The following SNX25 variants were observed in gnomAD, a reference collection of about 807,000 sequenced individuals.
SNX25 encodes sorting nexin-25.
SNX25 carries 62 observed loss-of-function variants against 113.7 expected under a neutral mutation model. That is an observed-to-expected ratio of 0.55 (90% CI 0.44 to 0.67). SNX25 has a LOEUF of 0.67. Ranked by LOEUF, SNX25 falls within the 30% of genes least tolerant of loss-of-function variation. The pLI, the probability that SNX25 is intolerant of heterozygous loss-of-function variation, is 0.00. For missense variants in SNX25, 1,014 were observed against 1,161.0 expected (o/e 0.87, Z 1.84); for synonymous variants, 421 against 436.2 (o/e 0.97, Z 0.43).
intron 1 of SNX25, among the ~76,000 whole-genome samples, chr4:185,219,096 G>GT (rs993876248): frequency 6.6e-6 from 1 of 152,108 alleles, no homozygotes; most frequent in Non-Finnish European, 1.5e-5. Context: ...GCCACTGCCA[G>GT]TCTGTGAGAA....
intron 12 of SNX25, among the ~76,000 whole-genome samples, chr4:185,344,860 C>T (rs532630161): frequency 4.9e-4 from 74 of 152,314 alleles, no homozygotes; most frequent in Non-Finnish European, 8.5e-4. Flanking sequence ...GAATGTCATG[C>T]ATGCTACATT....
At chr4:185,241,259 C>G (rs908897925) in intron 1 of SNX25, among the ~76,000 whole-genome samples, 4 of 152,256 alleles carry the variant, frequency 2.6e-5, no homozygotes, top group East Asian at 1.9e-4. Flanking sequence ...GCGGATCACT[C>G]GCGGTTAGGA....
At chr4:185,376,178 C>T in the SNX25 span, among the ~76,000 whole-genome samples, 1 of 152,144 alleles carries the variant, frequency 6.6e-6, no homozygotes, top group Non-Finnish European at 1.5e-5. Context: ...AGAAAGAGGG[C>T]GATTTCCTCC....
At chr4:185,336,313 C>G (rs1372166072) in intron 10 of SNX25, among the ~76,000 whole-genome samples, 2 of 152,038 alleles carry the variant, frequency 1.3e-5, no homozygotes, top group East Asian at 1.9e-4. Context: ...GTCTTTTATC[C>G]CTCATCCCCC....
chr4:185,289,898 C>T (rs566962369), intron 6 of SNX25, among the ~76,000 whole-genome samples: 48 of 152,222 alleles, frequency 3.2e-4, no homozygotes, highest in African/African-American at 1.1e-3. Context: ...GTTTAAACAA[C>T]AGGAATTAAT....
intron 6 of SNX25, among the ~76,000 whole-genome samples, chr4:185,295,673 C>T (rs1752743805): frequency 2.0e-5 from 3 of 152,110 alleles, no homozygotes; most frequent in African/African-American, 7.2e-5. Flanking sequence ...TGGTCTCAAA[C>T]TCCTGGGCTC....
intron 1 of SNX25, among the ~76,000 whole-genome samples, chr4:185,221,609 T>C (rs1739870632): frequency 6.6e-6 from 1 of 152,164 alleles, no homozygotes; most frequent in South Asian, 2.1e-4. Flanking sequence ...TTGATTCTTT[T>C]GAAAATGCAA....
intron 1 of SNX25, among the ~76,000 whole-genome samples, chr4:185,222,033 T>G (rs796952239): frequency 0.011 from 261 of 22,824 alleles, 2 homozygotes; most frequent in East Asian, 0.036. Flanking sequence ...CCTCGTTCAC[T>G]GTAGGTATAC....
At chr4:185,258,743 A>C in intron 2 of SNX25, 105 bp from the exon 3 acceptor site, 1 of 854,864 alleles carries the variant, frequency 1.2e-6, no homozygotes, top group Non-Finnish European at 1.8e-6. Flanking sequence ...CTTTAATTTT[A>C]AACAGTGAAT....
chr4:185,320,324 C>T (rs2095109773), intron 7 of SNX25, among the ~76,000 whole-genome samples: 1 of 152,130 alleles, frequency 6.6e-6, no homozygotes, highest in Non-Finnish European at 1.5e-5. Context: ...ATGTCCTTTG[C>T]AGAGACATGG....
intron 2 of SNX25, among the ~76,000 whole-genome samples, chr4:185,251,034 G>A (rs910515194): frequency 1.5e-4 from 23 of 151,284 alleles, no homozygotes; most frequent in African/African-American, 5.1e-4. Flanking sequence ...TTGCTCCGTC[G>A]CCCAGGCTGG....
intron 8 of SNX25, among the ~76,000 whole-genome samples, chr4:185,321,416 C>T (rs1042191798): frequency 6.6e-6 from 1 of 151,938 alleles, no homozygotes; most frequent in Non-Finnish European, 1.5e-5. Flanking sequence ...GTGTGTGCTA[C>T]CACACCCAGC....
In SNX25 at chr4:185,210,061, G is replaced by A; in HGVS notation, c.235G>A (p.Gly79Arg). Reference protein sequence around the residue: ...VALSFLGPGSGEAAGAAGLSS... With the variant: ...VALSFLGPGSREAAGAAGLSS... ...CCTCTCCTTCCTGGGGCCCGGCAGC[G>A]GGGAGGCGGCGGGGGCCGCGGGGCT... The change falls in exon 1 of 19, where the codon GGG (glycine) becomes AGG (arginine). Residue 79 changes from glycine to arginine, a missense_variant. Transcript: ENST00000652585. The surrounding 1 kb of genome is among the most constrained non-coding windows in gnomAD (Gnocchi z 4.4). 1 of 984,166 alleles carries A rather than the reference G, an allele frequency of 1.0e-6. No homozygotes were observed. Among genetic ancestry groups the A allele is most frequent in the Non-Finnish European group, 1.2e-6 (1 of 829,508 alleles). The allele number at this position is 984,166 out of a possible 1,614,324, so 61.0% of individuals were successfully genotyped here. A position where few individuals can be genotyped will look rare whatever the true frequency, so the allele number is the denominator to read the frequency against.
At chr4:185,332,419 C>T (rs1237090584) in intron 9 of SNX25, among the ~76,000 whole-genome samples, 176 bp from the exon 10 acceptor site, 1 of 152,216 alleles carries the variant, frequency 6.6e-6, no homozygotes, top group Non-Finnish European at 1.5e-5. Flanking sequence ...ACGCCATTTA[C>T]TTTGGTTCCA....
Position 185,363,259 on chromosome 4 carries a change from A to G in SNX25, c.2935-126A>G. 1 of 767,768 alleles carries G rather than the reference A, an allele frequency of 1.3e-6. No homozygotes were observed. Among genetic ancestry groups the G allele is most frequent in the Non-Finnish European group, 2.1e-6 (1 of 468,896 alleles). 47.6% of individuals were successfully genotyped at this position (767,768 alleles called of 1,614,324 possible). A position where few individuals can be genotyped will look rare whatever the true frequency, so the allele number is the denominator to read the frequency against. ...TTACCAATATTAAATACTGTTTGAG[A>G]GTTACTTGTTTACTGAGATAATTTC... On this transcript the variant is annotated intron_variant, in intron 18 of 18. Transcript: ENST00000652585. This position sits in a 1 kb window ranked among gnomAD's most constrained non-coding sequence, Gnocchi z 4.2.
At chr4:185,254,363 A>T (rs1316920340) in intron 2 of SNX25, among the ~76,000 whole-genome samples, 4 of 152,310 alleles carry the variant, frequency 2.6e-5, no homozygotes, top group South Asian at 4.2e-4. Context: ...GTCATTAGAC[A>T]AGTTTCTGGT....
chr4:185,245,465 G>A (rs1408572157), intron 1 of SNX25, among the ~76,000 whole-genome samples: 1 of 152,002 alleles, frequency 6.6e-6, no homozygotes, highest in Admixed American at 6.6e-5. Flanking sequence ...AGCCTGCCGA[G>A]TAGCTGGGAT....
At chr4:185,352,235 A>G (rs2095319172) in intron 14 of SNX25, among the ~76,000 whole-genome samples, 4 of 152,162 alleles carry the variant, frequency 2.6e-5, no homozygotes, top group Admixed American at 1.3e-4. Context: ...TGTTCACACC[A>G]CGGAGGCGCC....
At chr4:185,224,129 G>T in intron 1 of SNX25, among the ~76,000 whole-genome samples, 1 of 152,130 alleles carries the variant, frequency 6.6e-6, no homozygotes, top group East Asian at 1.9e-4. Context: ...AGGCGGGTGG[G>T]TCACCTGAGG....
Sources: gnomAD v4.1 joint callset for allele counts (sites outside exome capture counted in the v4.1 genomes callset) on GRCh38, gnomAD v4.1.1 for gene constraint, Gnocchi (gnomAD v3.1) non-coding constraint, MANE v1.5 for transcripts, NCBI Gene and HGNC (gene_info 2026-07-23, HGNC 2026-07-21) for gene names.